Variants in SCFD2 observed in about 807,000 individuals in gnomAD.
The protein encoded by SCFD2 is sec1 family domain-containing protein 2.
Under a neutral mutation model 58.9 loss-of-function variants are expected in SCFD2, and 54 were observed. The ratio of observed to expected loss-of-function variants is 0.92; its 90% CI spans 0.74 to 1.15. SCFD2 has a LOEUF of 1.15. Among genes scored for constraint, SCFD2 ranks in the 50% most tolerant of loss-of-function variants. SCFD2 has a pLI of 0.00. For synonymous variants in SCFD2, 321 were observed against 335.9 expected (o/e 0.96, Z 0.49); for missense variants, 805 against 836.6 (o/e 0.96, Z 0.47).
chr4:53,119,019 A>G (rs1292348487), intron 5 of SCFD2, among the ~76,000 whole-genome samples: 1 of 152,128 alleles, frequency 6.6e-6, no homozygotes, highest in Non-Finnish European at 1.5e-5. Context: ...TAATCTTGCT[A>G]CTAAAATCAA....
intron 5 of SCFD2, among the ~76,000 whole-genome samples, chr4:53,062,390 A>C (rs985899817): frequency 3.5e-5 from 4 of 115,356 alleles, no homozygotes; most frequent in African/African-American, 1.2e-4. Flanking sequence ...ACGTACAATA[A>C]CAATAATAAT....
At chr4:52,887,541 T>C (rs146998668) in intron 7 of SCFD2, among the ~76,000 whole-genome samples, 72 of 152,150 alleles carry the variant, frequency 4.7e-4, no homozygotes, top group African/African-American at 1.6e-3. Flanking sequence ...GGAGAAATAG[T>C]GTGAGTCAAG....
At chr4:53,281,461 T>C (rs1731507350) in intron 3 of SCFD2, among the ~76,000 whole-genome samples, 1 of 152,176 alleles carries the variant, frequency 6.6e-6, no homozygotes, top group South Asian at 2.1e-4. Context: ...AAACTATTGG[T>C]TAGTAGACAG....
At chr4:53,251,685 C>T (rs199502899) in intron 4 of SCFD2, among the ~76,000 whole-genome samples, 8 of 151,504 alleles carry the variant, frequency 5.3e-5, no homozygotes, top group Non-Finnish European at 1.2e-4. Flanking sequence ...ATTCAACAAC[C>T]CTTCATGCTA....
At chr4:52,931,219 T>C (rs567019652) in intron 5 of SCFD2, among the ~76,000 whole-genome samples, 8 of 152,338 alleles carry the variant, frequency 5.3e-5, no homozygotes, top group Middle Eastern at 3.4e-3. Context: ...ATAAGTCCCC[T>C]TTCAAAGTGT....
chr4:52,927,317 T>C (rs1276136449), intron 5 of SCFD2, among the ~76,000 whole-genome samples: 3 of 152,182 alleles, frequency 2.0e-5, no homozygotes, highest in African/African-American at 7.2e-5. Context: ...TTTTTTTTTT[T>C]TAGTATTGTC....
rs563321257 is a variant in SCFD2 at position 52,898,898 on chromosome 4, C to T, written c.1842+8559G>A. Among the ~76,000 whole-genome samples the T allele has an allele frequency of 2.0e-5, 3 of 152,248 alleles. No individual in the cohort carries two copies. In the East Asian group the frequency reaches 5.8e-4, roughly 29 times the overall value. ...CTTCTTGTTGCATTGATCCCTTTAC[C>T]ACTATGTAATGGCCTTGTCTCTTTT... On this transcript the variant is annotated intron_variant, in intron 7 of 8. Coordinates refer to ENST00000401642, the MANE Select transcript of SCFD2 (RefSeq NM_152540.4).
intron 4 of SCFD2, among the ~76,000 whole-genome samples, chr4:53,262,890 A>G (rs913068229): frequency 1.3e-5 from 2 of 152,198 alleles, no homozygotes; most frequent in Admixed American, 6.5e-5. Flanking sequence ...AAAAGCAATT[A>G]TCTTAGGTTC....
rs370893314 is a variant in SCFD2, at chr4:53,181,698, A to C, written c.1312-36116T>G. Among the ~76,000 whole-genome samples, 341 of 152,320 alleles carry C rather than the reference A, an allele frequency of 2.2e-3. 1 individual carries two copies. Among genetic ancestry groups the C allele is most frequent in the Non-Finnish European group, 3.3e-3 (223 of 68,032 alleles). ...AGGAAATAAAGGGTATTCAATTAGG[A>C]AAAGAGGAAGTCAAATTGTCCCTGT... is the stretch of plus-strand genomic sequence containing the variant. On this transcript the variant is annotated intron_variant, in intron 4 of 8. Transcript: ENST00000401642.
chr4:52,882,808 T>C (rs1282854783), intron 8 of SCFD2, among the ~76,000 whole-genome samples: 1 of 152,228 alleles, frequency 6.6e-6, no homozygotes, highest in East Asian at 1.9e-4. Context: ...CTCCCCTTTA[T>C]ATCTACATTT....
At chr4:53,249,433 T>G (rs980183460) in intron 4 of SCFD2, among the ~76,000 whole-genome samples, 54 of 152,222 alleles carry the variant, frequency 3.5e-4, no homozygotes, top group African/African-American at 1.1e-3. Context: ...AGGCCAACGT[T>G]CAGATTCAGA....
Position 52,907,442 on chromosome 4 carries a change from C to T in SCFD2, c.1842+15G>A, listed in dbSNP as rs1240759568. On this transcript the variant is annotated intron_variant, in intron 7 of 8. Coordinates refer to ENST00000401642, the MANE Select transcript of SCFD2 (RefSeq NM_152540.4). ...CATTTCTACACTCAGGATTACCTCT[C>T]CATGGTTACTTTACCTTCATGAACA... The T allele has an allele frequency of 1.2e-6, 2 of 1,613,064 alleles. No individual in the cohort carries two copies. The highest frequency in any genetic ancestry group is 1.7e-6 in the Non-Finnish European group (2 of 1,179,212).
chr4:53,146,328 T>C (rs1303048652), intron 4 of SCFD2, among the ~76,000 whole-genome samples: 8 of 152,228 alleles, frequency 5.3e-5, no homozygotes, highest in African/African-American at 1.9e-4. Context: ...ATTTCTATCA[T>C]AAATTCTGAG....
At chr4:53,203,195 C>T (rs1728305022) in intron 4 of SCFD2, among the ~76,000 whole-genome samples, 1 of 152,106 alleles carries the variant, frequency 6.6e-6, no homozygotes. Context: ...TTTTGAGATA[C>T]ATCCCATCAA....
chr4:53,244,238 C>T (rs1729991514), intron 4 of SCFD2, among the ~76,000 whole-genome samples: 1 of 152,062 alleles, frequency 6.6e-6, no homozygotes, highest in Non-Finnish European at 1.5e-5. Context: ...CCAAATGGAC[C>T]TGATTGACAT....
chr4:53,278,130 G>A (rs1483898260), intron 3 of SCFD2, among the ~76,000 whole-genome samples: 2 of 152,090 alleles, frequency 1.3e-5, no homozygotes, highest in Admixed American at 1.3e-4. Context: ...ACTTTTGGAG[G>A]CCGAGGTGGG....
intron 5 of SCFD2, among the ~76,000 whole-genome samples, chr4:52,954,339 T>G (rs1167826155): frequency 6.6e-6 from 1 of 152,198 alleles, no homozygotes; most frequent in Admixed American, 6.5e-5. Flanking sequence ...TAGCCTCATC[T>G]TCCCATCTTC....
At chr4:53,361,078 T>G (rs1295849145) in intron 1 of SCFD2, among the ~76,000 whole-genome samples, 4 of 152,192 alleles carry the variant, frequency 2.6e-5, no homozygotes, top group Non-Finnish European at 4.4e-5. Flanking sequence ...CTTCGCTAAC[T>G]TAACCATTCA....
At chr4:53,148,913 G>C (rs1473991804) in intron 4 of SCFD2, among the ~76,000 whole-genome samples, 2 of 152,188 alleles carry the variant, frequency 1.3e-5, no homozygotes, top group Non-Finnish European at 2.9e-5. Flanking sequence ...AAGAGGCTAA[G>C]GCAGAAGGAT....
Sources: gnomAD v4.1 joint callset for allele counts (sites outside exome capture counted in the v4.1 genomes callset) on GRCh38, gnomAD v4.1.1 for gene constraint, MANE v1.5 for transcripts, NCBI Gene and HGNC (gene_info 2026-07-23, HGNC 2026-07-21) for gene names.